Variants in BCL11B observed in about 807,000 individuals in gnomAD.
BCL11B encodes the protein BCL11 transcription factor B.
A neutral mutation model predicts 49.9 loss-of-function variants in BCL11B; 8 were observed. The ratio of observed to expected loss-of-function variants is 0.16; its 90% CI spans 0.09 to 0.29. The LOEUF (loss-of-function observed/expected upper bound fraction) is 0.29, where lower values mean the gene tolerates loss of function less well. BCL11B is among the 10% of genes least tolerant of loss of function. The pLI is 1.00. For missense variants in BCL11B, 1,006 were observed against 1,351.0 expected (o/e 0.74, Z 4.00); for synonymous variants, 739 against 637.4 (o/e 1.16, Z -2.40).
chr14:99,250,938 C>T (rs1444526715), intron 2 of BCL11B, among the ~76,000 whole-genome samples: 1 of 151,548 alleles, frequency 6.6e-6, no homozygotes, highest in Non-Finnish European at 1.5e-5. Context: ...CTTTCAACTA[C>T]AATCGGTGCT....
rs886165932 is a variant in BCL11B, at chr14:99,184,653, T to G, written c.641-8458A>C. On this transcript the variant is annotated intron_variant, in intron 3 of 3. Transcript: ENST00000357195. This position sits in a 1 kb window ranked among gnomAD's most constrained non-coding sequence, Gnocchi z 6.1. ...CCCCTCACACAGGGATGGCAGACCC[T>G]GTGGTGACCATCCCTGGGAAGGAGC... Among the ~76,000 whole-genome samples, 4 of 152,130 alleles carry G rather than the reference T, an allele frequency of 2.6e-5. No homozygotes were observed. The highest frequency in any genetic ancestry group is 9.7e-5 in the African/African-American group (4 of 41,428).
intron 3 of BCL11B, among the ~76,000 whole-genome samples, chr14:99,182,787 G>A (rs1886745261): frequency 6.6e-6 from 1 of 152,138 alleles, no homozygotes; most frequent in Non-Finnish European, 1.5e-5. Flanking sequence ...CTCCCTCCAG[G>A]CCTTGGACTC....
At chr14:99,264,326 T>C (rs1402159487) in intron 1 of BCL11B, 2 of 150,648 alleles carry the variant, frequency 1.3e-5, no homozygotes, top group African/African-American at 4.9e-5. Context: ...AGTGCATCCA[T>C]TTCTGAGGCA....
At chr14:99,250,737 T>C (rs1432602977) in intron 2 of BCL11B, among the ~76,000 whole-genome samples, 1 of 152,188 alleles carries the variant, frequency 6.6e-6, no homozygotes, top group Non-Finnish European at 1.5e-5. Flanking sequence ...GTTGGTTAAG[T>C]TCACCCCTTG....
intron 1 of BCL11B, among the ~76,000 whole-genome samples, chr14:99,260,648 TTTTTTTTA>T (rs1030664296): frequency 3.4e-4 from 52 of 152,178 alleles, no homozygotes; most frequent in African/African-American, 8.9e-4. Flanking sequence ...TTCTCTCCTC[TTTTTTTTA>T]TTTTTTTATT....
At chr14:99,215,567 C>T (rs758776076) in intron 3 of BCL11B, among the ~76,000 whole-genome samples, 10 of 152,232 alleles carry the variant, frequency 6.6e-5, no homozygotes, top group Non-Finnish European at 1.3e-4. Context: ...GTAAGGCTGG[C>T]TCCAGCATAA....
At chr14:99,187,772 C>A (rs892471614) in intron 3 of BCL11B, among the ~76,000 whole-genome samples, 22 of 93,142 alleles carry the variant, frequency 2.4e-4, no homozygotes, top group African/African-American at 8.2e-4. Context: ...GCACCCCATG[C>A]AGGCCTTCCT....
Position 99,232,989 on chromosome 14 carries a change from T to A in BCL11B, c.428-1432A>T, listed in dbSNP as rs1205932544. ...GAACCAACAAAGACCTCATACTAGG[T>A]GAGGCCTCGGGCCCAGGGTATTTCT... is the stretch of plus-strand genomic sequence containing the variant. On this transcript the variant is annotated intron_variant, in intron 2 of 3. Coordinates refer to ENST00000357195, the MANE Select transcript of BCL11B (RefSeq NM_138576.4). The surrounding 1 kb of genome is among the most constrained non-coding windows in gnomAD (Gnocchi z 5.1). Among the ~76,000 whole-genome samples, 1 of 152,146 alleles carries A rather than the reference T, an allele frequency of 6.6e-6. No homozygotes were observed. Among genetic ancestry groups the A allele is most frequent in the East Asian group, 1.9e-4 (1 of 5,192 alleles).
intron 2 of BCL11B, among the ~76,000 whole-genome samples, chr14:99,250,324 C>T (rs1254432093): frequency 2.0e-5 from 3 of 151,816 alleles, no homozygotes; most frequent in Admixed American, 1.3e-4. Flanking sequence ...CGTGAGCCCC[C>T]GTGCCCAGCA....
intron 3 of BCL11B, among the ~76,000 whole-genome samples, chr14:99,203,494 C>G (rs1480293888): frequency 6.6e-6 from 1 of 152,176 alleles, no homozygotes; most frequent in African/African-American, 2.4e-5. Flanking sequence ...CACGTTCCAT[C>G]AGTGTCAGTG....
At chr14:99,237,546 C>G (rs1265609859) in intron 2 of BCL11B, among the ~76,000 whole-genome samples, 1 of 152,148 alleles carries the variant, frequency 6.6e-6, no homozygotes, top group African/African-American at 2.4e-5. Flanking sequence ...CTCCTGGATT[C>G]TCATTCTCCA....
At chr14:99,190,061 T>C (rs1003057165) in intron 3 of BCL11B, among the ~76,000 whole-genome samples, 1 of 152,204 alleles carries the variant, frequency 6.6e-6, no homozygotes, top group African/African-American at 2.4e-5. Context: ...CAATTCTAGA[T>C]TTCCCAAAGA....
chr14:99,234,933 A>G lies in BCL11B; in HGVS notation c.428-3376T>C, dbSNP rs1187952471. ...TCTTCTTAGGCTCCAAAACAGGGCAATGCTAGATAAGCTCATTCTTGATGC... is the reference window on the plus strand; with the variant it reads ...TCTTCTTAGGCTCCAAAACAGGGCAGTGCTAGATAAGCTCATTCTTGATGC... On this transcript the variant is annotated intron_variant, in intron 2 of 3. Transcript: ENST00000357195. Among the ~76,000 whole-genome samples the G allele has an allele frequency of 1.3e-5, 2 of 151,098 alleles. 1 individual carries two copies. The highest frequency in any genetic ancestry group is 3.0e-5 in the Non-Finnish European group (2 of 67,742).
intron 3 of BCL11B, among the ~76,000 whole-genome samples, chr14:99,204,150 G>A (rs978441541): frequency 1.3e-5 from 2 of 152,206 alleles, no homozygotes; most frequent in African/African-American, 4.8e-5. Flanking sequence ...GATGACTGGA[G>A]GTGGGCCCAC....
chr14:99,202,086 T>C (rs1194651724), intron 3 of BCL11B, among the ~76,000 whole-genome samples: 1 of 152,104 alleles, frequency 6.6e-6, no homozygotes, highest in African/African-American at 2.4e-5. Context: ...GCTCAAGCAA[T>C]TCTCCCCACC....
chr14:99,227,554 T>C lies in BCL11B; in HGVS notation c.640+3791A>G, dbSNP rs561094443. ...GCCCAGGAGTGTCCAAACCATTCTC[T>C]GAATGTCCCACGCCCTGCCCTGGAA... On this transcript the variant is annotated intron_variant, in intron 3 of 3. Coordinates refer to ENST00000357195, the MANE Select transcript of BCL11B (RefSeq NM_138576.4). 3.8e-4 allele frequency among the ~76,000 whole-genome samples: 58 copies of C among 152,282 alleles called. No homozygotes were observed. The South Asian group carries it at 0.012, about 31-fold the overall frequency.
intron 3 of BCL11B, among the ~76,000 whole-genome samples, chr14:99,214,037 C>T (rs996605054): frequency 7.2e-5 from 11 of 152,196 alleles, no homozygotes; most frequent in Admixed American, 3.9e-4. Flanking sequence ...AACAACAGGT[C>T]ACCATTTGTC....
intron 3 of BCL11B, among the ~76,000 whole-genome samples, chr14:99,190,910 G>T (rs1488731294): frequency 6.6e-6 from 1 of 151,664 alleles, no homozygotes; most frequent in Non-Finnish European, 1.5e-5. Flanking sequence ...GGCCACACGG[G>T]GGGGGTCACC....
rs1888383007 is a variant in BCL11B at position 99,232,978 on chromosome 14, C to G, written c.428-1421G>C. Among the ~76,000 whole-genome samples the G allele has an allele frequency of 6.6e-6, 1 of 152,196 alleles. No individual in the cohort carries two copies. Among genetic ancestry groups the G allele is most frequent in the Admixed American group, 6.5e-5 (1 of 15,290 alleles). Reference sequence around the variant, plus strand: ...CGGAACCCCCTGAACCAACAAAGACCTCATACTAGGTGAGGCCTCGGGCCC... The same window carrying G: ...CGGAACCCCCTGAACCAACAAAGACGTCATACTAGGTGAGGCCTCGGGCCC... On this transcript the variant is annotated intron_variant, in intron 2 of 3. Transcript: ENST00000357195. This position sits in a 1 kb window ranked among gnomAD's most constrained non-coding sequence, Gnocchi z 5.1.
Sources: allele counts gnomAD v4.1 joint callset (sites outside exome capture counted in the v4.1 genomes callset), GRCh38; gene constraint gnomAD v4.1.1; non-coding constraint Gnocchi (gnomAD v3.1); transcripts MANE v1.5; gene names NCBI Gene and HGNC (gene_info 2026-07-23, HGNC 2026-07-21).